The following CCDC9 variants were observed in gnomAD, a reference collection of about 807,000 sequenced individuals.
The protein encoded by CCDC9 is coiled-coil domain containing 9.
CCDC9 carries 52 observed loss-of-function variants against 65.6 expected under a neutral mutation model. The observed-to-expected ratio is 0.79, with a 90% CI of 0.63 to 1.00. The LOEUF (loss-of-function observed/expected upper bound fraction) is 1.00. Among genes scored for constraint, CCDC9 ranks in the 50% least tolerant of loss-of-function variants. CCDC9 has a pLI of 0.00. For synonymous variants in CCDC9, 332 were observed against 280.3 expected, an observed-to-expected ratio of 1.18 and a Z score of -1.84; for missense variants, 834 against 757.2, an observed-to-expected ratio of 1.10 and a Z score of -1.19.
At chr19:47,265,659 C>T (rs886456365) in intron 7 of CCDC9, among the ~76,000 whole-genome samples, 1 of 151,428 alleles carries the variant, frequency 6.6e-6, no homozygotes, top group African/African-American at 2.4e-5. Flanking sequence ...TACTATGTGC[C>T]AGGTACTGTT....
At chr19:47,265,330 T>G (rs1428711136) in intron 7 of CCDC9, among the ~76,000 whole-genome samples, 1 of 152,092 alleles carries the variant, frequency 6.6e-6, no homozygotes, top group Non-Finnish European at 1.5e-5. Context: ...GCTGGGATTA[T>G]AGGTGTGAGC....
intron 4 of CCDC9, 75 bp downstream of exon 4, chr19:47,260,497 C>T (rs1405845861): frequency 1.9e-6 from 3 of 1,603,174 alleles, no homozygotes; most frequent in Non-Finnish European, 2.6e-6. Flanking sequence ...CCCAGGAGCC[C>T]CCAGCTGTCC....
At chr19:47,275,126 C>T (rs770216721), downstream of CCDC9, 14 of 1,491,836 alleles carry the variant, frequency 9.4e-6, no homozygotes, top group Middle Eastern at 1.9e-4. Flanking sequence ...GCCCACAGCC[C>T]AGCGCGCCGT....
chr19:47,264,531 G>C (rs1426184182), intron 5 of CCDC9, 72 bp from the exon 6 acceptor site: 1 of 1,428,556 alleles, frequency 7.0e-7, no homozygotes, highest in African/African-American at 1.4e-5. Context: ...GGCCTGCTGG[G>C]CAGCCCGTCT....
chr19:47,261,321 T>C (rs2059044401), intron 5 of CCDC9, among the ~76,000 whole-genome samples: 1 of 152,152 alleles, frequency 6.6e-6, no homozygotes, highest in Admixed American at 6.6e-5. Flanking sequence ...TGTGGCATTC[T>C]GTTTCTGTGT....
At chr19:47,265,162 A>G (rs1305441509) in intron 7 of CCDC9, among the ~76,000 whole-genome samples, 2 of 152,012 alleles carry the variant, frequency 1.3e-5, no homozygotes, top group East Asian at 1.9e-4. Flanking sequence ...GGCTCAAGCA[A>G]TTCTGCCTCA....
rs1474765145 is a variant in CCDC9, at chr19:47,271,266, C to T, written c.1192-8C>T. On this transcript the variant is annotated splice_polypyrimidine_tract_variant and splice_region_variant and intron_variant, in intron 11 of 11. Coordinates refer to ENST00000221922, the MANE Select transcript of CCDC9 (RefSeq NM_015603.3). ...GTGCCTTGCCCTGACTTGCCTGTGT[C>T]CCCAAAGCCACCCGAGATCCCAGCT... 1 of 1,611,710 alleles carries T rather than the reference C, an allele frequency of 6.2e-7. No homozygotes were observed. The highest frequency in any genetic ancestry group is 1.3e-5 in the African/African-American group (1 of 74,816).
chr19:47,264,861 G>T lies in CCDC9; in HGVS notation c.635G>T (p.Arg212Leu), dbSNP rs538184871. The T allele has an allele frequency of 1.3e-6, 2 of 1,499,618 alleles. No homozygotes were observed. The highest frequency in any genetic ancestry group is 1.8e-6 in the Non-Finnish European group (2 of 1,126,342). The allele number at this position is 1,499,618 out of a possible 1,614,324, so 92.9% of individuals were successfully genotyped here. Residue 212 changes from arginine to leucine, a missense_variant, in exon 7 of 12, where the codon CGC (arginine) becomes CTC (leucine). Transcript: ENST00000221922. ...CCCCTGGAGGAGTCTGAGCGGGACC[G>T]CCGGGAGGAGAGCCGCCGGCACGGC... The part of the protein sequence containing the change: ...SGPLEESERD[R>L]REESRRHGRN...
chr19:47,258,594 G>A lies in CCDC9; in HGVS notation c.39G>A (p.Lys13=), dbSNP rs1199578297. The A allele has an allele frequency of 3.1e-6, 5 of 1,614,038 alleles. 1 individual carries two copies. In the Admixed American group the frequency reaches 5.0e-5, roughly 16 times the overall value. ...ATLDLKSKEE[K]DAELDKRIEA... is the part of the protein sequence containing the mutation. ...TCGATTTGAAATCAAAGGAGGAGAA[G>A]GATGCTGAGTTGGACAAGAGGATCG... Residue 13 remains lysine (K), a synonymous_variant, in exon 3 of 12, where the codon AAG becomes AAA. Transcript: ENST00000221922.
Position 47,260,341 on chromosome 19 carries a change from G to A in CCDC9, c.129G>A (p.Lys43=), listed in dbSNP as rs750895348. 1 of 1,595,900 alleles carries A rather than the reference G, an allele frequency of 6.3e-7. No homozygotes were observed. Among genetic ancestry groups the A allele is most frequent in the East Asian group, 2.3e-5 (1 of 43,932 alleles). ...CCTAGGAGATTGAGGAAGACCGTAAGAAAGCTGAACTTGAGGGAGTCGCAG... is the reference window on the plus strand; with the variant it reads ...CCTAGGAGATTGAGGAAGACCGTAAAAAAGCTGAACTTGAGGGAGTCGCAG... The part of the protein sequence containing the change: ...RRYQEIEEDR[K]KAELEGVAVT... Residue 43 remains lysine (K), a synonymous_variant, in exon 4 of 12, where the codon AAG becomes AAA. Transcript: ENST00000221922.
At chr19:47,260,221 G>T (rs2059035767) in intron 3 of CCDC9, 100 bp from the exon 4 acceptor site, 1 of 806,774 alleles carries the variant, frequency 1.2e-6, no homozygotes, top group Admixed American at 2.1e-5. Flanking sequence ...CAGGAGAGAG[G>T]CCTGGGCTGG....
intron 5 of CCDC9, among the ~76,000 whole-genome samples, chr19:47,263,637 C>T (rs1175565090): frequency 6.6e-6 from 1 of 152,126 alleles, no homozygotes. Flanking sequence ...ATGATTTCGG[C>T]TCACTGCAAC....
chr19:47,260,852 C>T lies in CCDC9; in HGVS notation c.462+13C>T. On this transcript the variant is annotated intron_variant, in intron 5 of 11. Transcript: ENST00000221922. ...CCGTAAATCCAAGGTAGGAGCTAGG[C>T]AGCGCCTGGAGCCCTGGCTGAGGTT... is the stretch of plus-strand genomic sequence containing the variant. The T allele has an allele frequency of 6.2e-7, 1 of 1,604,592 alleles. No homozygotes were observed. Among genetic ancestry groups the T allele is most frequent in the Non-Finnish European group, 8.5e-7 (1 of 1,176,646 alleles).
At chr19:47,260,489 C>T (rs946082358) in intron 4 of CCDC9, 67 bp downstream of exon 4, 46 of 1,602,476 alleles carry the variant, frequency 2.9e-5, no homozygotes, top group East Asian at 2.7e-4. Context: ...GCCTGGGACC[C>T]AGGAGCCCCC....
chr19:47,260,539 A>G (rs914286776), intron 4 of CCDC9, 49 bp from the exon 5 acceptor site: 28 of 1,564,612 alleles, frequency 1.8e-5, no homozygotes, highest in East Asian at 2.2e-5. Flanking sequence ...TCCTGGCCGC[A>G]TGCCTCCCTG....
chr19:47,265,021 TC>T, intron 7 of CCDC9, 75 bp downstream of exon 7: 2 of 1,260,178 alleles, frequency 1.6e-6, no homozygotes, highest in South Asian at 4.8e-5. Context: ...ACCAGACAGA[TC>T]AGGGCCATGG....
downstream of CCDC9, chr19:47,275,040 T>C: frequency 2.0e-6 from 3 of 1,490,432 alleles, no homozygotes; most frequent in Non-Finnish European, 2.7e-6. Context: ...CCTCTGCGTC[T>C]CGCTAGCTGC....
At chr19:47,268,930 T>G (rs10417049) in intron 8 of CCDC9, among the ~76,000 whole-genome samples, 1 of 148,908 alleles carries the variant, frequency 6.7e-6, no homozygotes, top group East Asian at 2.0e-4. Context: ...AAAATAATAA[T>G]AATAATAATA....
chr19:47,274,428 C>G (rs2059143310), downstream of CCDC9: 1 of 152,128 alleles, frequency 6.6e-6, no homozygotes, highest in Non-Finnish European at 1.5e-5. Context: ...GCGGGGATTC[C>G]GGAACTAGAG....
Sources: gnomAD v4.1 joint callset for allele counts (sites outside exome capture counted in the v4.1 genomes callset) on GRCh38, gnomAD v4.1.1 for gene constraint, MANE v1.5 for transcripts, NCBI Gene and HGNC (gene_info 2026-07-23, HGNC 2026-07-21) for gene names.